DRC11: variants seen among roughly 807,000 people sequenced by gnomAD.
DRC11 encodes the protein IQ and AAA domain-containing protein 1.
At chr2:236,357,015 TTATATATC>T in the DRC11 span, among the ~76,000 whole-genome samples, 3 of 130,906 alleles carry the variant, frequency 2.3e-5, no homozygotes, top group South Asian at 6.7e-4. Flanking sequence ...TATTCATATA[TTATATATC>T]TATATATTTA....
At chr2:236,374,509 G>T in the DRC11 span, among the ~76,000 whole-genome samples, 1 of 152,172 alleles carries the variant, frequency 6.6e-6, no homozygotes, top group East Asian at 1.9e-4. Context: ...ATTGGCTCAC[G>T]GTTCCGCAGG....
At chr2:236,405,653 T>G in the DRC11 span, among the ~76,000 whole-genome samples, 776 of 152,206 alleles carry the variant, frequency 5.1e-3, 8 homozygotes, top group African/African-American at 0.018. The surrounding 1 kb of genome is among the most constrained non-coding windows in gnomAD (Gnocchi z 4.6). Context: ...GAAAATAAAC[T>G]TATGGAGGCC....
chr2:236,356,527 G>A, the DRC11 span, among the ~76,000 whole-genome samples: 1 of 152,330 alleles, frequency 6.6e-6, no homozygotes, highest in Admixed American at 6.5e-5. Context: ...CTGACCTAGC[G>A]TGAAATCCAG....
At chr2:236,423,404 A>G in the DRC11 span, among the ~76,000 whole-genome samples, 2 of 152,228 alleles carry the variant, frequency 1.3e-5, no homozygotes, top group East Asian at 1.9e-4. Context: ...ATGAACAGAC[A>G]CTTCTCAAAA....
At chr2:236,357,279 T>TC in the DRC11 span, among the ~76,000 whole-genome samples, 22 of 101,526 alleles carry the variant, frequency 2.2e-4, no homozygotes, top group African/African-American at 8.1e-4. Context: ...ATACATATAT[T>TC]ATATATTTAT....
At chr2:236,315,627 G>A in the DRC11 span, among the ~76,000 whole-genome samples, 14 of 152,300 alleles carry the variant, frequency 9.2e-5, no homozygotes, top group Admixed American at 9.2e-4. This position sits in a 1 kb window ranked among gnomAD's most constrained non-coding sequence, Gnocchi z 5.1. Flanking sequence ...TAATAGATTG[G>A]ATAAAGAAAA....
chr2:236,326,802 GT>G, the DRC11 span, among the ~76,000 whole-genome samples: 5 of 59,420 alleles, frequency 8.4e-5, no homozygotes, highest in Non-Finnish European at 1.3e-4. Flanking sequence ...TTGTGTGTGT[GT>G]GTGTGTGTGT....
the DRC11 span, among the ~76,000 whole-genome samples, chr2:236,421,771 A>C: frequency 6.6e-6 from 1 of 152,248 alleles, no homozygotes; most frequent in Non-Finnish European, 1.5e-5. Flanking sequence ...AGAGAATTTT[A>C]GACCAATATC....
chr2:236,324,673 CT>C, the DRC11 span: 3 of 1,461,150 alleles, frequency 2.1e-6, no homozygotes, highest in Non-Finnish European at 2.8e-6. The surrounding 1 kb of genome is among the most constrained non-coding windows in gnomAD (Gnocchi z 5.7). Flanking sequence ...TCTTTTTTGC[CT>C]TTTTCTCTTT....
At chr2:236,442,064 G>A in the DRC11 span, among the ~76,000 whole-genome samples, 1 of 152,048 alleles carries the variant, frequency 6.6e-6, no homozygotes, top group East Asian at 1.9e-4. Flanking sequence ...CTACACCAGT[G>A]CACTCCAGAC....
chr2:236,341,467 T>C, the DRC11 span, among the ~76,000 whole-genome samples: 10 of 152,108 alleles, frequency 6.6e-5, no homozygotes, highest in Admixed American at 2.6e-4. Flanking sequence ...GAGTTTGGAC[T>C]TTGCTGAAAT....
At chr2:236,470,466 G>T in the DRC11 span, among the ~76,000 whole-genome samples, 2 of 152,158 alleles carry the variant, frequency 1.3e-5, no homozygotes, top group Non-Finnish European at 2.9e-5. The surrounding 1 kb of genome is among the most constrained non-coding windows in gnomAD (Gnocchi z 5.1). Context: ...AGCACTTAGA[G>T]GCGCGTGTTC....
the DRC11 span, among the ~76,000 whole-genome samples, chr2:236,501,927 C>T: frequency 6.6e-6 from 1 of 152,126 alleles, no homozygotes; most frequent in South Asian, 2.1e-4. Flanking sequence ...TGCAGGAGTG[C>T]TTTTCAGTTC....
the DRC11 span, among the ~76,000 whole-genome samples, chr2:236,436,238 G>A: frequency 4.0e-4 from 60 of 151,856 alleles, no homozygotes; most frequent in Non-Finnish European, 7.9e-4. Context: ...ATTATTTTCC[G>A]AGAAATATTT....
the DRC11 span, among the ~76,000 whole-genome samples, chr2:236,339,495 C>T: frequency 6.6e-6 from 1 of 152,160 alleles, no homozygotes; most frequent in South Asian, 2.1e-4. Context: ...AATCTAAGGT[C>T]ACAAAATTTA....
At chr2:236,319,356 T>C in the DRC11 span, among the ~76,000 whole-genome samples, 7 of 152,376 alleles carry the variant, frequency 4.6e-5, no homozygotes, top group South Asian at 1.4e-3. The surrounding 1 kb of genome is among the most constrained non-coding windows in gnomAD (Gnocchi z 6.7). Context: ...CGCTGTGTGC[T>C]GAGCTGGGAC....
chr2:236,352,258 G>C, the DRC11 span, among the ~76,000 whole-genome samples: 2 of 152,272 alleles, frequency 1.3e-5, no homozygotes, highest in African/African-American at 4.8e-5. This position sits in a 1 kb window ranked among gnomAD's most constrained non-coding sequence, Gnocchi z 7.0. Context: ...GAGGTCACTG[G>C]TGGCCTTGGC....
At chr2:236,505,448 T>C in the DRC11 span, among the ~76,000 whole-genome samples, 7 of 152,264 alleles carry the variant, frequency 4.6e-5, no homozygotes, top group Admixed American at 4.6e-4. Context: ...CTGTCTCTGC[T>C]CAGAAGCCCT....
chr2:236,395,434 C>A, the DRC11 span, among the ~76,000 whole-genome samples: 1 of 152,202 alleles, frequency 6.6e-6, no homozygotes, highest in African/African-American at 2.4e-5. Context: ...GGAAGAGATA[C>A]TTCATGTCAC....
Sources: gnomAD v4.1 joint callset for allele counts (sites outside exome capture counted in the v4.1 genomes callset) on GRCh38, gnomAD v4.1.1 for gene constraint, Gnocchi (gnomAD v3.1) non-coding constraint, MANE v1.5 for transcripts, NCBI Gene and HGNC (gene_info 2026-07-23, HGNC 2026-07-21) for gene names.